GTF3C6: variants seen among roughly 807,000 people sequenced by gnomAD.
GTF3C6 encodes general transcription factor IIIC subunit 6.
GTF3C6 carries 11 observed loss-of-function variants against 19.2 expected under a neutral mutation model. The ratio of observed to expected loss-of-function variants is 0.57; its 90% CI spans 0.36 to 0.95. The LOEUF (loss-of-function observed/expected upper bound fraction) is 0.95. Ranked by LOEUF, GTF3C6 falls within the 40% of genes least tolerant of loss-of-function variation. The pLI, the probability that GTF3C6 is intolerant of heterozygous loss-of-function variation, is 0.01. For missense variants in GTF3C6, 222 were observed against 254.7 expected, an observed-to-expected ratio of 0.87 and a Z score of 0.87; for synonymous variants, 87 against 84.2, an observed-to-expected ratio of 1.03 and a Z score of -0.18.
chr6:110,958,756 G>A lies in GTF3C6; in HGVS notation c.-14G>A. 7 of 1,550,692 alleles carry A rather than the reference G, an allele frequency of 4.5e-6. No homozygotes were observed. The highest frequency in any genetic ancestry group is 6.1e-6 in the Non-Finnish European group (7 of 1,146,894). Reference sequence around the variant, plus strand: ...GGCGTGGCCAGTGACTAGAAGGCGAGGCGCCGCGGGACCATGGCGGCGGCG... The same window carrying A: ...GGCGTGGCCAGTGACTAGAAGGCGAAGCGCCGCGGGACCATGGCGGCGGCG... On this transcript the variant is annotated 5_prime_UTR_variant, in exon 1 of 6. Transcript: ENST00000329970.
At chr6:110,967,290 C>T (rs1000285598) in intron 5 of GTF3C6, among the ~76,000 whole-genome samples, 6 of 152,048 alleles carry the variant, frequency 3.9e-5, no homozygotes, top group African/African-American at 9.7e-5. Flanking sequence ...AAGTTGGTAA[C>T]GTAGTGATTT....
intron 3 of GTF3C6, 39 bp downstream of exon 3, chr6:110,960,516 G>A (rs750051622): frequency 1.2e-6 from 2 of 1,610,638 alleles, no homozygotes; most frequent in Admixed American, 3.3e-5. Flanking sequence ...TTTCTGATAT[G>A]GGCTTTTCAG....
intron 1 of GTF3C6, 52 bp downstream of exon 1, chr6:110,958,878 C>G (rs768988377): frequency 2.0e-6 from 3 of 1,529,144 alleles, no homozygotes; most frequent in Non-Finnish European, 1.8e-6. Context: ...GATGCCTGTG[C>G]TGGCTGTGTG....
chr6:110,958,961 C>A (rs1583245696), intron 1 of GTF3C6, 135 bp downstream of exon 1: 1 of 1,058,916 alleles, frequency 9.4e-7, no homozygotes, highest in Non-Finnish European at 1.4e-6. Context: ...TGCTCCTGGG[C>A]GCGAGGAGCC....
At chr6:110,959,088 A>C in intron 1 of GTF3C6, 84 bp from the exon 2 acceptor site, 1 of 1,043,168 alleles carries the variant, frequency 9.6e-7, no homozygotes, top group Non-Finnish European at 1.5e-6. Context: ...GTTTTCACAA[A>C]TGTGGGAAAT....
Position 110,958,775 on chromosome 6 carries a change from G to A in GTF3C6, c.6G>A (p.Ala2=), listed in dbSNP as rs1042820429. 1.9e-5 allele frequency: 30 copies of A among 1,550,822 alleles called. No individual in the cohort carries two copies. In the African/African-American group the frequency reaches 3.0e-4, roughly 16 times the overall value. The change falls in exon 1 of 6, where the codon GCG becomes GCA. Residue 2 remains alanine (A), a synonymous_variant. Transcript: ENST00000329970. M[A]AAADERSPED... is the part of the protein sequence containing the mutation. ...AGGCGAGGCGCCGCGGGACCATGGC[G>A]GCGGCGGCGGACGAGCGGAGTCCAG...
intron 5 of GTF3C6, 96 bp from the exon 6 acceptor site, chr6:110,967,414 A>G (rs1426959508): frequency 9.4e-7 from 1 of 1,066,806 alleles, no homozygotes; most frequent in East Asian, 2.6e-5. Flanking sequence ...TCAGTTTGAC[A>G]TGTATTCATA....
In GTF3C6 at chr6:110,960,569, C is replaced by T; in HGVS notation, c.203-3C>T. ...AACAATTTGCCTTTGTATTTTTCTG[C>T]AGACACTCTAGGGACCTGTGTTATA... On this transcript the variant is annotated splice_polypyrimidine_tract_variant and splice_region_variant and intron_variant, in intron 3 of 5. Coordinates refer to ENST00000329970, the MANE Select transcript of GTF3C6 (RefSeq NM_138408.4). 3 of 1,613,336 alleles carry T rather than the reference C, an allele frequency of 1.9e-6. No individual in the cohort carries two copies. Among genetic ancestry groups the T allele is most frequent in the Non-Finnish European group, 2.5e-6 (3 of 1,179,382 alleles).
In GTF3C6 at chr6:110,958,738, C is replaced by T; in HGVS notation, c.-32C>T. 1.3e-6 allele frequency: 2 copies of T among 1,549,888 alleles called. No individual in the cohort carries two copies. The highest frequency in any genetic ancestry group is 1.2e-5 in the South Asian group (1 of 83,972). ...AGATGGCGGCTCCGGGCGGGCGTGG[C>T]CAGTGACTAGAAGGCGAGGCGCCGC... On this transcript the variant is annotated 5_prime_UTR_variant, in exon 1 of 6. Transcript: ENST00000329970.
At chr6:110,965,333 T>G (rs558384644) in intron 5 of GTF3C6, among the ~76,000 whole-genome samples, 2 of 152,216 alleles carry the variant, frequency 1.3e-5, no homozygotes, top group South Asian at 2.1e-4. Flanking sequence ...GACTAGTGCT[T>G]CTTTCACCTG....
At chr6:110,959,330 C>A in intron 2 of GTF3C6, 78 bp downstream of exon 2, 1 of 840,950 alleles carries the variant, frequency 1.2e-6, no homozygotes, top group Non-Finnish European at 2.0e-6. Context: ...AATACCTATC[C>A]GCAAGTATTG....
intron 5 of GTF3C6, among the ~76,000 whole-genome samples, chr6:110,962,724 T>C (rs1380938989): frequency 6.6e-6 from 1 of 152,100 alleles, no homozygotes. Flanking sequence ...TTCCCCAGGC[T>C]CCTGAGCAAC....
chr6:110,960,429 A>G lies in GTF3C6; in HGVS notation c.154A>G (p.Arg52Gly). 6.2e-7 allele frequency: 1 copy of G among 1,613,392 alleles called. No homozygotes were observed. Among genetic ancestry groups the G allele is most frequent in the Non-Finnish European group, 8.5e-7 (1 of 1,179,746 alleles). Residue 52 changes from arginine (R) to glycine (G), a missense_variant, in exon 3 of 6, where the codon AGG becomes GGG. Arg to Gly is a moderately radical substitution (Grantham distance 125, BLOSUM62 -2). Transcript: ENST00000329970. ...KCKVLGIDTE[R>G]PILQVDSCVF... The stretch of plus-strand genomic sequence containing the variant: ...TCTGTTGTAGGGCATTGACACTGAG[A>G]GGCCCATTCTGCAAGTGGACAGCTG...
chr6:110,964,868 T>G (rs1376982379), intron 5 of GTF3C6, among the ~76,000 whole-genome samples: 1 of 148,912 alleles, frequency 6.7e-6, no homozygotes, highest in Non-Finnish European at 1.5e-5. Flanking sequence ...ATTTCGCTCT[T>G]GTTGCCCAGG....
In GTF3C6 at chr6:110,958,749, A is replaced by C. The variant is rs1040010179; in HGVS notation, c.-21A>C. 6.4e-6 allele frequency: 10 copies of C among 1,550,404 alleles called. No homozygotes were observed. In the African/African-American group the frequency reaches 1.2e-4, roughly 19 times the overall value. ...CCGGGCGGGCGTGGCCAGTGACTAGAAGGCGAGGCGCCGCGGGACCATGGC... is the reference window on the plus strand; with the variant it reads ...CCGGGCGGGCGTGGCCAGTGACTAGCAGGCGAGGCGCCGCGGGACCATGGC... On this transcript the variant is annotated 5_prime_UTR_variant, in exon 1 of 6. Coordinates refer to ENST00000329970, the MANE Select transcript of GTF3C6 (RefSeq NM_138408.4).
intron 5 of GTF3C6, among the ~76,000 whole-genome samples, chr6:110,965,777 C>T (rs974244123): frequency 1.3e-5 from 2 of 152,158 alleles, no homozygotes; most frequent in East Asian, 1.9e-4. Context: ...ACCAACAATT[C>T]GAGTCTGCAT....
chr6:110,959,906 G>A (rs553396620), intron 2 of GTF3C6, among the ~76,000 whole-genome samples: 88 of 152,082 alleles, frequency 5.8e-4, no homozygotes, highest in African/African-American at 2.1e-3. Context: ...GCAGTGAGCC[G>A]AGATCGCGCC....
At chr6:110,962,334 A>C (rs1039106204) in intron 4 of GTF3C6, 58 bp from the exon 5 acceptor site, 11 of 892,176 alleles carry the variant, frequency 1.2e-5, no homozygotes, top group Middle Eastern at 2.5e-4. Flanking sequence ...CTAAGGCTTC[A>C]TCTTTGTTTT....
In GTF3C6 at chr6:110,960,447, G is replaced by T. The variant is rs1255528361; in HGVS notation, c.172G>T (p.Asp58Tyr). The change falls in exon 3 of 6, where the codon GAC becomes TAC. Residue 58 changes from aspartate to tyrosine, a missense_variant. Transcript: ENST00000329970. ...IDTERPILQV[D>Y]SCVFAGEYED... ...CACTGAGAGGCCCATTCTGCAAGTG[G>T]ACAGCTGTGTCTTTGCTGGGGAGTA... The T allele has an allele frequency of 6.2e-7, 1 of 1,613,968 alleles. No individual in the cohort carries two copies. Among genetic ancestry groups the T allele is most frequent in the Non-Finnish European group, 8.5e-7 (1 of 1,179,966 alleles).
Sources: allele counts gnomAD v4.1 joint callset (sites outside exome capture counted in the v4.1 genomes callset), GRCh38; gene constraint gnomAD v4.1.1; transcripts MANE v1.5; gene names NCBI Gene and HGNC (gene_info 2026-07-23, HGNC 2026-07-21).